Variants in TMEM131 observed in about 807,000 individuals in gnomAD.
TMEM131 encodes the protein 2610524E03Rik.
TMEM131 carries 66 observed loss-of-function variants against 211.6 expected under a neutral mutation model. That is an observed-to-expected ratio of 0.31 (90% CI 0.26 to 0.38). The LOEUF is 0.38. Ranked by LOEUF, TMEM131 falls within the 10% of genes least tolerant of loss-of-function variation. The pLI is 1.00. For missense variants in TMEM131, 2,036 were observed against 2,299.3 expected (o/e 0.89, Z 2.34); for synonymous variants, 844 against 841.3 (o/e 1.00, Z -0.06).
At chr2:97,948,802 C>T (rs1678168367) in intron 1 of TMEM131, among the ~76,000 whole-genome samples, 1 of 152,084 alleles carries the variant, frequency 6.6e-6, no homozygotes, top group African/African-American at 2.4e-5. Context: ...GGACTACAGG[C>T]ACCCGCCACC....
chr2:97,812,945 T>C (rs1681622211), intron 15 of TMEM131, among the ~76,000 whole-genome samples, 196 bp from the exon 16 acceptor site: 1 of 151,844 alleles, frequency 6.6e-6, no homozygotes, highest in Non-Finnish European at 1.5e-5. Context: ...CAAGCCAAGA[T>C]TGCACCACTG....
chr2:97,778,384 C>T (rs1276014341), intron 31 of TMEM131, among the ~76,000 whole-genome samples: 3 of 152,138 alleles, frequency 2.0e-5, no homozygotes, highest in Non-Finnish European at 1.5e-5. Context: ...AACCTCATCT[C>T]TACTAAAAAT....
intron 2 of TMEM131, among the ~76,000 whole-genome samples, chr2:97,912,057 CTAACTA>C (rs1360462551): frequency 2.0e-5 from 3 of 152,052 alleles, no homozygotes; most frequent in African/African-American, 7.2e-5. Context: ...CAACTGGAAC[CTAACTA>C]TAACAATTTA....
chr2:97,783,494 C>T (rs1343855048), intron 31 of TMEM131, among the ~76,000 whole-genome samples: 1 of 151,922 alleles, frequency 6.6e-6, no homozygotes, highest in African/African-American at 2.4e-5. Context: ...ATATTTAAGA[C>T]AACTGGGGGA....
At chr2:97,981,486 G>C (rs1041160267) in intron 1 of TMEM131, among the ~76,000 whole-genome samples, 1 of 152,140 alleles carries the variant, frequency 6.6e-6, no homozygotes, top group South Asian at 2.1e-4. Flanking sequence ...CAGTCTCATC[G>C]AAAGTGTTGT....
At chr2:97,836,904 T>C (rs1682966517) in intron 8 of TMEM131, among the ~76,000 whole-genome samples, 173 bp downstream of exon 8, 1 of 152,228 alleles carries the variant, frequency 6.6e-6, no homozygotes, top group South Asian at 2.1e-4. Flanking sequence ...TTACTACTTA[T>C]ATTCTTTCCT....
intron 11 of TMEM131, among the ~76,000 whole-genome samples, chr2:97,826,031 C>G (rs376442990): frequency 6.6e-6 from 1 of 152,196 alleles, no homozygotes; most frequent in Non-Finnish European, 1.5e-5. Context: ...GGATGGGGAA[C>G]CAATCGAGCA....
At chr2:97,759,539 G>A in intron 39 of TMEM131, 113 bp downstream of exon 39, 1 of 885,122 alleles carries the variant, frequency 1.1e-6, no homozygotes, top group South Asian at 1.6e-5. Flanking sequence ...GCTTCCTGCG[G>A]GGCCTCTTCC....
intron 12 of TMEM131, among the ~76,000 whole-genome samples, chr2:97,815,835 C>T (rs1042502896): frequency 1.2e-4 from 18 of 152,272 alleles, no homozygotes; most frequent in Admixed American, 6.5e-4. Context: ...TACACTTGAA[C>T]TGAGAAAGAA....
intron 5 of TMEM131, among the ~76,000 whole-genome samples, chr2:97,855,140 A>C (rs909506193): frequency 6.6e-6 from 1 of 152,204 alleles, no homozygotes; most frequent in African/African-American, 2.4e-5. Flanking sequence ...ATATTTGTTA[A>C]ATTAATTCCT....
rs1573433093 is a variant in TMEM131 at position 97,833,277 on chromosome 2, A to T, written c.1074+88T>A. On this transcript the variant is annotated intron_variant, in intron 11 of 40. Transcript: ENST00000186436. ...GGTCATCACCAAATATAATTATTTT[A>T]GAATAAGGGTTTAATTATTTTTAAC... The T allele has an allele frequency of 6.0e-6, 4 of 663,092 alleles. No homozygotes were observed. The East Asian group carries it at 1.3e-4, about 22-fold the overall frequency. The allele number at this position is 663,092 out of a possible 1,614,324, so 41.1% of individuals were successfully genotyped here.
chr2:97,917,073 G>C (rs887518108), intron 2 of TMEM131, among the ~76,000 whole-genome samples: 4 of 152,030 alleles, frequency 2.6e-5, no homozygotes, highest in Non-Finnish European at 4.4e-5. Flanking sequence ...TTTCTCCTGG[G>C]AGAACATTAA....
intron 1 of TMEM131, among the ~76,000 whole-genome samples, chr2:97,989,126 C>A (rs773008813): frequency 6.6e-6 from 1 of 151,952 alleles, no homozygotes; most frequent in African/African-American, 2.4e-5. Flanking sequence ...TATGAAAAAG[C>A]AGAAAATTAC....
intron 1 of TMEM131, among the ~76,000 whole-genome samples, chr2:97,992,654 T>G (rs928094914): frequency 8.5e-5 from 13 of 152,202 alleles, no homozygotes; most frequent in Non-Finnish European, 2.9e-5. Context: ...AAAAAGGTCT[T>G]ATTTGCCAGT....
intron 2 of TMEM131, among the ~76,000 whole-genome samples, chr2:97,917,941 TTC>T (rs975106783): frequency 1.1e-4 from 17 of 151,408 alleles, no homozygotes; most frequent in African/African-American, 3.6e-4. Flanking sequence ...ATTGGTTTTT[TTC>T]TCTCTTTTTT....
At position 97,834,905 on chromosome 2, in the gene TMEM131, G is replaced by A. The variant is rs2105069504; in HGVS notation, c.825C>T (p.Thr275=). ...RKLWEIPPYE[T]KGVMRASFSS... is the part of the protein sequence containing the mutation. ...AAAAACTGGCTCTCATCACTCCCTT[G>A]GTTTCATAAGGAGGAATTTCCTGAC... Residue 275 remains threonine (T), a synonymous_variant, in exon 9 of 41, where the codon ACC becomes ACT. Transcript: ENST00000186436. 6.2e-7 allele frequency: 1 copy of A among 1,613,556 alleles called. No individual in the cohort carries two copies. Among genetic ancestry groups the A allele is most frequent in the Non-Finnish European group, 8.5e-7 (1 of 1,179,750 alleles).
chr2:97,793,597 G>C lies in TMEM131; in HGVS notation c.3387-44C>G. On this transcript the variant is annotated intron_variant, in intron 29 of 40. Transcript: ENST00000186436. The stretch of plus-strand genomic sequence containing the variant: ...TTGGAAAATCAGGATTCATTTGTTA[G>C]TAGACAAGCAACAAAATTCGATGTT... The C allele has an allele frequency of 1.9e-6, 3 of 1,542,080 alleles. No individual in the cohort carries two copies. The East Asian group carries it at 7.0e-5, about 36-fold the overall frequency.
chr2:97,905,788 G>A (rs1240098264), intron 3 of TMEM131, among the ~76,000 whole-genome samples: 1 of 152,050 alleles, frequency 6.6e-6, no homozygotes, highest in African/African-American at 2.4e-5. Context: ...ACATAAAATT[G>A]ATGTATTAAA....
Position 97,775,971 on chromosome 2 carries a change from C to T in TMEM131, c.4192G>A (p.Glu1398Lys), listed in dbSNP as rs780039603. Residue 1398 changes from glutamate (E) to lysine (K), a missense_variant, in exon 32 of 41, where the codon GAG becomes AAG. By Grantham distance (56) the Glu-to-Lys change is moderately conservative (BLOSUM62 1). Transcript: ENST00000186436. ...CCCTTTCCCTTCTTCTCCTTTTCCT[C>T]TTGCTTCTTAGGTGGTTTCACCTTG... ...QRKVKPPKKQEEKEKKGKGKP... is the reference protein window; with the variant it reads ...QRKVKPPKKQKEKEKKGKGKP... The T allele has an allele frequency of 1.2e-6, 2 of 1,613,988 alleles. No individual in the cohort carries two copies. Among genetic ancestry groups the T allele is most frequent in the Non-Finnish European group, 1.7e-6 (2 of 1,179,896 alleles).
Sources: gnomAD v4.1 joint callset for allele counts (sites outside exome capture counted in the v4.1 genomes callset) on GRCh38, gnomAD v4.1.1 for gene constraint, MANE v1.5 for transcripts, NCBI Gene and HGNC (gene_info 2026-07-23, HGNC 2026-07-21) for gene names.